Variants in ST6GALNAC3 observed in about 807,000 individuals in gnomAD.
The protein encoded by ST6GALNAC3 is alpha-N-acetylgalactosaminide alpha-2,6-sialyltransferase 3.
A neutral mutation model predicts 32.7 loss-of-function variants in ST6GALNAC3; 25 were observed. The observed-to-expected ratio is 0.76, with a 90% confidence interval of 0.56 to 1.07. The LOEUF (loss-of-function observed/expected upper bound fraction) is 1.07. ST6GALNAC3 is among the 50% of genes least tolerant of loss of function. ST6GALNAC3 has a pLI of 0.00. For synonymous variants in ST6GALNAC3, 129 were observed against 133.1 expected (o/e 0.97, Z 0.21); for missense variants, 355 against 382.4 (o/e 0.93, Z 0.60).
At chr1:76,599,039 A>G (rs1217083777) in intron 3 of ST6GALNAC3, among the ~76,000 whole-genome samples, 1 of 152,076 alleles carries the variant, frequency 6.6e-6, no homozygotes, top group African/African-American at 2.4e-5. Flanking sequence ...TTCTTTTTTC[A>G]TGGTTGTAGG....
chr1:76,492,682 C>T (rs529495940), intron 3 of ST6GALNAC3, among the ~76,000 whole-genome samples: 4 of 152,158 alleles, frequency 2.6e-5, no homozygotes, highest in South Asian at 2.1e-4. Flanking sequence ...GGACAGCATA[C>T]GTACAAGCCC....
chr1:76,120,063 CTGCA>C (rs1366270660), intron 1 of ST6GALNAC3, among the ~76,000 whole-genome samples: 1 of 152,252 alleles, frequency 6.6e-6, no homozygotes, highest in Non-Finnish European at 1.5e-5. Flanking sequence ...TGAACAGACT[CTGCA>C]TTTGGTGGGA....
intron 2 of ST6GALNAC3, among the ~76,000 whole-genome samples, chr1:76,394,604 T>C (rs531181446): frequency 1.3e-5 from 2 of 152,346 alleles, no homozygotes; most frequent in South Asian, 2.1e-4. Flanking sequence ...CTATACTTTT[T>C]CAAGCCTAAA....
At chr1:76,361,418 T>C (rs895232004) in intron 2 of ST6GALNAC3, among the ~76,000 whole-genome samples, 1 of 152,178 alleles carries the variant, frequency 6.6e-6, no homozygotes, top group Non-Finnish European at 1.5e-5. Context: ...TTCCCTCCTA[T>C]TTCCCATATA....
chr1:76,175,495 C>G (rs1652792151), intron 1 of ST6GALNAC3, among the ~76,000 whole-genome samples: 1 of 150,506 alleles, frequency 6.6e-6, no homozygotes, highest in South Asian at 2.1e-4. Flanking sequence ...TGCTTTGAAC[C>G]CCCTGAATCA....
intron 3 of ST6GALNAC3, among the ~76,000 whole-genome samples, chr1:76,491,163 C>A (rs1660477149): frequency 1.3e-5 from 2 of 152,018 alleles, no homozygotes; most frequent in African/African-American, 2.4e-5. Context: ...TGGCCAATTT[C>A]TTTTCTTTTT....
rs1183037812 is a variant in ST6GALNAC3 at position 76,075,092 on chromosome 1, C to T, written c.18+208C>T. Among the ~76,000 whole-genome samples the T allele has an allele frequency of 6.6e-5, 10 of 152,382 alleles. No individual in the cohort carries two copies. In the East Asian group the frequency reaches 1.9e-3, roughly 29 times the overall value. Reference sequence around the variant, plus strand: ...CTTCTTTTCCCACCATTCCTGCCTCCTGCTCGCGCCTGCATTGAAGGAGCT... The same window carrying T: ...CTTCTTTTCCCACCATTCCTGCCTCTTGCTCGCGCCTGCATTGAAGGAGCT... On this transcript the variant is annotated intron_variant, in intron 1 of 4. Transcript: ENST00000328299.
chr1:76,092,695 T>A (rs1269542384), intron 1 of ST6GALNAC3, among the ~76,000 whole-genome samples: 2 of 152,232 alleles, frequency 1.3e-5, no homozygotes, highest in Non-Finnish European at 2.9e-5. Flanking sequence ...CGTAGAAGAC[T>A]TCATAATTTT....
At chr1:76,307,634 G>A (rs1661140172) in intron 1 of ST6GALNAC3, among the ~76,000 whole-genome samples, 2 of 151,988 alleles carry the variant, frequency 1.3e-5, no homozygotes, top group African/African-American at 4.8e-5. Flanking sequence ...TGAATACTTG[G>A]TCATTAAACA....
chr1:76,600,117 G>A (rs940642207), intron 3 of ST6GALNAC3, among the ~76,000 whole-genome samples: 3 of 151,956 alleles, frequency 2.0e-5, no homozygotes, highest in African/African-American at 7.3e-5. Flanking sequence ...CATGAGCGTG[G>A]GGTCCTCACG....
chr1:76,624,372 G>T (rs550917966), intron 3 of ST6GALNAC3, among the ~76,000 whole-genome samples: 1 of 151,796 alleles, frequency 6.6e-6, no homozygotes, highest in South Asian at 2.1e-4. Context: ...AGAGAACATA[G>T]ATATATAGAG....
Position 76,629,204 on chromosome 1 carries a change from T to C in ST6GALNAC3, c.*398T>C, listed in dbSNP as rs916037535. On this transcript the variant is annotated 3_prime_UTR_variant, in exon 5 of 5. Coordinates refer to ENST00000328299, the MANE Select transcript of ST6GALNAC3 (RefSeq NM_152996.4). ...TCATGAGGCAAGGTGATTGACTCAA[T>C]GGCTTGTTGAATCTCAGCAGTTCCG... 9.9e-7 allele frequency: 1 copy of C among 1,006,056 alleles called. No individual in the cohort carries two copies. The highest frequency in any genetic ancestry group is 1.2e-6 in the Non-Finnish European group (1 of 844,574). 62.3% of individuals were successfully genotyped at this position (1,006,056 alleles called of 1,614,324 possible).
intron 3 of ST6GALNAC3, among the ~76,000 whole-genome samples, chr1:76,453,782 T>C (rs1193557408): frequency 6.6e-6 from 1 of 152,158 alleles, no homozygotes; most frequent in Non-Finnish European, 1.5e-5. Context: ...TCTGTAAATA[T>C]CTGTTAAGTT....
At chr1:76,493,674 G>T (rs891988200) in intron 3 of ST6GALNAC3, among the ~76,000 whole-genome samples, 4 of 151,908 alleles carry the variant, frequency 2.6e-5, no homozygotes. Context: ...ACAAATGTTG[G>T]GTCTGACTTC....
intron 3 of ST6GALNAC3, among the ~76,000 whole-genome samples, chr1:76,559,995 C>A (rs1183811889): frequency 1.3e-5 from 2 of 152,006 alleles, no homozygotes; most frequent in Non-Finnish European, 2.9e-5. Context: ...CAATGGAGCT[C>A]CAATAAAGCA....
intron 1 of ST6GALNAC3, among the ~76,000 whole-genome samples, chr1:76,242,250 CA>C (rs1293753932): frequency 1.3e-5 from 2 of 151,182 alleles, no homozygotes; most frequent in African/African-American, 2.4e-5. Flanking sequence ...TTTGTAATCA[CA>C]AAAAAAAGAG....
intron 1 of ST6GALNAC3, among the ~76,000 whole-genome samples, chr1:76,304,679 AG>A (rs1228729768): frequency 6.6e-6 from 1 of 152,054 alleles, no homozygotes; most frequent in Non-Finnish European, 1.5e-5. Flanking sequence ...GTGAGGTGTG[AG>A]GATAAATGCC....
intron 3 of ST6GALNAC3, among the ~76,000 whole-genome samples, chr1:76,426,236 A>G (rs956368389): frequency 3.3e-5 from 5 of 151,888 alleles, no homozygotes; most frequent in African/African-American, 1.2e-4. Flanking sequence ...GTCTTCCCTT[A>G]TTAGACTGTA....
At chr1:76,513,406 T>TTC (rs1317148413) in intron 3 of ST6GALNAC3, among the ~76,000 whole-genome samples, 1 of 152,192 alleles carries the variant, frequency 6.6e-6, no homozygotes, top group Non-Finnish European at 1.5e-5. Flanking sequence ...ATAATGTGTA[T>TTC]TCTTGGCACC....
Sources: allele counts gnomAD v4.1 joint callset (sites outside exome capture counted in the v4.1 genomes callset), GRCh38; gene constraint gnomAD v4.1.1; transcripts MANE v1.5; gene names NCBI Gene and HGNC (gene_info 2026-07-23, HGNC 2026-07-21).